PRAME: variants seen among roughly 807,000 people sequenced by gnomAD.
PRAME encodes PRAME nuclear receptor transcriptional regulator.
Under a neutral mutation model 32.1 loss-of-function variants are expected in PRAME, and 21 were observed. The observed-to-expected ratio is 0.65, with a 90% CI of 0.46 to 0.94. The LOEUF is 0.94. PRAME is among the 40% of genes least tolerant of loss of function. The pLI, the probability that PRAME is intolerant of heterozygous loss-of-function variation, is 0.00. For synonymous variants in PRAME, 274 were observed against 251.5 expected, an observed-to-expected ratio of 1.09 and a Z score of -0.85; for missense variants, 651 against 622.3, an observed-to-expected ratio of 1.05 and a Z score of -0.49.
chr22:22,551,126 G>A (rs1601803888), intron 3 of PRAME, 37 bp from the exon 4 acceptor site: 1 of 1,508,878 alleles, frequency 6.6e-7, no homozygotes, highest in East Asian at 2.3e-5. Context: ...ATCCCTTTCA[G>A]CCCAAGCATA....
intron 3 of PRAME, chr22:22,553,878 GC>G (rs1569225371): frequency 1.0e-6 from 1 of 984,896 alleles, no homozygotes; most frequent in African/African-American, 1.7e-5. Flanking sequence ...CTGTTCACAA[GC>G]AGCAGGTCAG....
At chr22:22,552,846 C>T in intron 3 of PRAME, 2 of 470,846 alleles carry the variant, frequency 4.2e-6, no homozygotes, top group South Asian at 3.1e-5. Flanking sequence ...CTGCCCAGAC[C>T]TCTGGGAAGA....
chr22:22,556,915 A>C lies in PRAME; in HGVS notation c.-77-6T>G. ...TCACTTGTTGCCACGCACGTCTGAG[A>C]GTAATAATCAAAATGCTCCAAAAAG... On this transcript the variant is annotated splice_region_variant and splice_polypyrimidine_tract_variant and intron_variant, in intron 2 of 5. Coordinates refer to ENST00000405655, the MANE Select transcript of PRAME (RefSeq NM_206956.3). The C allele has an allele frequency of 6.6e-7, 1 of 1,524,186 alleles. No homozygotes were observed. Among genetic ancestry groups the C allele is most frequent in the South Asian group, 1.1e-5 (1 of 89,124 alleles). The allele number at this position is 1,524,186 out of a possible 1,614,324, so 94.4% of individuals were successfully genotyped here.
chr22:22,554,298 C>G (rs6002703), intron 3 of PRAME: 579,277 of 968,056 alleles, frequency 0.6, 174,678 homozygotes, highest in East Asian at 0.74. Flanking sequence ...GAATGTCTTG[C>G]GGCCTGACTT....
In PRAME at chr22:22,548,070, A is replaced by C; in HGVS notation, c.1527T>G (p.Asn509Lys). The change falls in exon 6 of 6, where the codon AAT becomes AAG. Residue 509 changes from asparagine to lysine, a missense_variant. Asn to Lys is a moderately conservative substitution (Grantham distance 94). Transcript: ENST00000405655. The part of the protein sequence containing the change: ...EPILCPCFMP[N>K] ...AGCATTTGATATGTGCACCCAGCTA[A>C]TTAGGCATGAAACAGGGGCACAGGA... The C allele has an allele frequency of 5.0e-6, 8 of 1,607,206 alleles. No individual in the cohort carries two copies. The highest frequency in any genetic ancestry group is 6.8e-6 in the Non-Finnish European group (8 of 1,175,518).
At chr22:22,557,297 C>A (rs191076998) in intron 2 of PRAME, 94 of 212,858 alleles carry the variant, frequency 4.4e-4, no homozygotes, top group African/African-American at 2.0e-3. Flanking sequence ...AAATGCGCAC[C>A]CACCCTGGAG....
chr22:22,549,159 G>A (rs929114851), intron 5 of PRAME, among the ~76,000 whole-genome samples: 7 of 151,814 alleles, frequency 4.6e-5, no homozygotes, highest in African/African-American at 1.7e-4. Context: ...GGCTACCTTA[G>A]GTCACTGTAT....
intron 5 of PRAME, 72 bp downstream of exon 5, chr22:22,549,654 G>A: frequency 9.3e-6 from 14 of 1,502,740 alleles, no homozygotes; most frequent in South Asian, 5.5e-5. Context: ...GCACATACAA[G>A]ATATCCTTTA....
In PRAME at chr22:22,558,969, ACT is replaced by A. The variant is rs1422894541; in HGVS notation, c.-114_-114+1del. On this transcript the variant is annotated splice_donor_variant and 5_prime_UTR_variant, in exon 1 of 6. Coordinates refer to ENST00000405655, the MANE Select transcript of PRAME (RefSeq NM_206956.3). LOFTEE classifies it low-confidence loss of function (5UTR_SPLICE). ...CCACCCCCCGGGATTCAATTAACTT[ACT>A]CTCTGGAGCGCGCGTTCCTCCCTGC... The A allele has an allele frequency of 3.9e-5, 6 of 154,104 alleles. No homozygotes were observed. Among genetic ancestry groups the A allele is most frequent in the African/African-American group, 1.5e-4 (6 of 40,752 alleles). 9.5% of individuals were successfully genotyped at this position (154,104 alleles called of 1,614,324 possible). A position where few individuals can be genotyped will look rare whatever the true frequency, so the allele number is the denominator to read the frequency against.
In PRAME at chr22:22,554,693, A is replaced by G. The variant is rs73879637; in HGVS notation, c.21+2119T>C. On this transcript the variant is annotated intron_variant, in intron 3 of 5. Transcript: ENST00000405655. ...TCTGGGGAAGAACCTGCTCAGCTCC[A>G]AGCAAGCAGGAATTGGTAGCCCTTA... Among the ~76,000 whole-genome samples, 572 of 152,030 alleles carry G rather than the reference A, an allele frequency of 3.8e-3. 4 individuals are homozygous for G. Among genetic ancestry groups the G allele is most frequent in the African/African-American group, 0.013 (549 of 41,488 alleles).
At chr22:22,556,668 T>C (rs2062943482) in intron 3 of PRAME, 144 bp downstream of exon 3, 1 of 1,019,010 alleles carries the variant, frequency 9.8e-7, no homozygotes, top group Non-Finnish European at 1.5e-6. Flanking sequence ...TTTGTGGAAA[T>C]GACCAGAAAC....
chr22:22,549,826 T>C lies in PRAME; in HGVS notation c.853A>G (p.Ile285Val), dbSNP rs1239996626. 6.2e-7 allele frequency: 1 copy of C among 1,613,796 alleles called. No individual in the cohort carries two copies. The highest frequency in any genetic ancestry group is 8.5e-7 in the Non-Finnish European group (1 of 1,179,960). ...YISPEKEEQY[I>V]AQFTSQFLSL... Reference sequence around the variant, plus strand: ...AGGAACTGAGAGGTGAACTGGGCGATATACTGCTCTTCCTTCTCCGGGGAA... The same window carrying C: ...AGGAACTGAGAGGTGAACTGGGCGACATACTGCTCTTCCTTCTCCGGGGAA... The change falls in exon 5 of 6, where the codon ATC (isoleucine) becomes GTC (valine). Residue 285 changes from isoleucine to valine, a missense_variant. By Grantham distance (29) the Ile-to-Val change is conservative. Coordinates refer to ENST00000405655, the MANE Select transcript of PRAME (RefSeq NM_206956.3).
chr22:22,550,441 G>A (rs1044972484), intron 4 of PRAME, 107 bp from the exon 5 acceptor site: 15 of 1,398,468 alleles, frequency 1.1e-5, no homozygotes, highest in Non-Finnish European at 1.3e-5. Context: ...ATCCACCTTA[G>A]ATCTGCACTT....
rs866135249 is a variant in PRAME, at chr22:22,556,956, A to G, written c.-77-47T>C. 3.9e-5 allele frequency: 49 copies of G among 1,255,934 alleles called. No homozygotes were observed. In the Middle Eastern group the frequency reaches 5.8e-4, roughly 15 times the overall value. The allele number at this position is 1,255,934 out of a possible 1,614,324, so 77.8% of individuals were successfully genotyped here. A position where few individuals can be genotyped will look rare whatever the true frequency, so the allele number is the denominator to read the frequency against. On this transcript the variant is annotated intron_variant, in intron 2 of 5. Transcript: ENST00000405655. ...CTCCAAAAAGAAGAATACATGTATA[A>G]TATTTACGAAGCAACGGCCTCCTGT... is the stretch of plus-strand genomic sequence containing the variant.
rs760287978 is a variant in PRAME at position 22,548,203 on chromosome 22, GCAT to G, written c.1391_1393del (p.His464_Ala465delinsPro). 1.7e-5 allele frequency: 28 copies of G among 1,613,824 alleles called. No individual in the cohort carries two copies. Among genetic ancestry groups the G allele is most frequent in the Non-Finnish European group, 2.4e-5 (28 of 1,179,958 alleles). On this transcript the variant is annotated inframe_deletion, in exon 6 of 6. Coordinates refer to ENST00000405655, the MANE Select transcript of PRAME (RefSeq NM_206956.3). ...CTCACACAGCAACTCCCTGAGCCTGGCATGCAGATAGGCAAGCCTCTCCAGGTG... is the reference window on the plus strand; with the variant it reads ...CTCACACAGCAACTCCCTGAGCCTGGGCAGATAGGCAAGCCTCTCCAGGTG...
At position 22,548,529 on chromosome 22, in the gene PRAME, T is replaced by C; in HGVS notation, c.1068A>G (p.Leu356=). Residue 356 remains leucine, a synonymous_variant, in exon 6 of 6, where the codon CTA becomes CTG. Transcript: ENST00000405655. ...TTACATCGGTCAGCATGACCCCACTTAGACTCAGGACACTTAGCTGACTGA... is the reference window on the plus strand; with the variant it reads ...TTACATCGGTCAGCATGACCCCACTCAGACTCAGGACACTTAGCTGACTGA... ...PSVSQLSVLS[L]SGVMLTDVSP... is the part of the protein sequence containing the mutation. 1 of 1,613,616 alleles carries C rather than the reference T, an allele frequency of 6.2e-7. No individual in the cohort carries two copies. Among genetic ancestry groups the C allele is most frequent in the South Asian group, 1.1e-5 (1 of 91,060 alleles).
rs150953937 is a variant in PRAME at position 22,553,241 on chromosome 22, T to C, written c.22-2152A>G. On this transcript the variant is annotated intron_variant, in intron 3 of 5. Transcript: ENST00000405655. Reference sequence around the variant, plus strand: ...GTATCAAATTGTCACTTATACCCCATGTTCCCTAACACAGCAAATCACATG... The same window carrying C: ...GTATCAAATTGTCACTTATACCCCACGTTCCCTAACACAGCAAATCACATG... Among the ~76,000 whole-genome samples, 493 of 152,040 alleles carry C rather than the reference T, an allele frequency of 3.2e-3. 6 individuals are homozygous for C. Among genetic ancestry groups the C allele is most frequent in the African/African-American group, 0.011 (466 of 41,488 alleles).
In PRAME at chr22:22,549,974, AAT is replaced by A. The variant is rs1477599546; in HGVS notation, c.703_704del (p.Ile235Ter). ...AGGTACAAGTCACTTCCAAATCTTC[AAT>A]AGAGTCCAGCTGCACCATTTTCAGG... ...MILKMVQLDS[I>X]EDLEVTCTWK... On this transcript the variant is annotated frameshift_variant, in exon 5 of 6. Transcript: ENST00000405655. LOFTEE classifies it high-confidence loss of function. 1.6e-5 allele frequency: 26 copies of A among 1,613,730 alleles called. No homozygotes were observed. Among genetic ancestry groups the A allele is most frequent in the Non-Finnish European group, 2.1e-5 (25 of 1,179,978 alleles).
In PRAME at chr22:22,549,920, A is replaced by G. The variant is rs34101420; in HGVS notation, c.759T>C (p.Ser253=). The G allele has an allele frequency of 0.012, 19,627 of 1,613,800 alleles. 190 individuals are homozygous for G. The highest frequency in any genetic ancestry group is 0.035 in the Middle Eastern group (211 of 6,054). The change falls in exon 5 of 6, where the codon TCT becomes TCC. Residue 253 remains serine (S), a synonymous_variant. Transcript: ENST00000405655. The part of the protein sequence containing the change: ...TWKLPTLAKF[S]PYLGQMINLR... ...GATTAATCATCTGGCCCAGGTAAGG[A>G]GAAAATTTCGCCAAGGTGGGTAGCT...
Sources: allele counts gnomAD v4.1 joint callset (sites outside exome capture counted in the v4.1 genomes callset), GRCh38; gene constraint gnomAD v4.1.1; transcripts MANE v1.5; gene names NCBI Gene and HGNC (gene_info 2026-07-23, HGNC 2026-07-21).